The following ADARB2 variants were observed in gnomAD, a reference collection of about 807,000 sequenced individuals.
ADARB2 encodes the protein inactive double-stranded RNA-specific editase B2.
ADARB2 carries 25 observed loss-of-function variants against 62.2 expected under a neutral mutation model. That is an observed-to-expected ratio of 0.40 (90% CI 0.29 to 0.56). ADARB2 has a LOEUF of 0.56. Ranked by LOEUF, ADARB2 falls within the 20% of genes least tolerant of loss-of-function variation. The pLI is 0.43. For missense variants in ADARB2, 1,071 were observed against 1,077.4 expected (o/e 0.99, Z 0.08); for synonymous variants, 572 against 500.8 (o/e 1.14, Z -1.90).
intron 1 of ADARB2, among the ~76,000 whole-genome samples, chr10:1,459,375 G>C (rs558215290): frequency 6.6e-6 from 1 of 152,326 alleles, no homozygotes; most frequent in Non-Finnish European, 1.5e-5. Context: ...TCCTTTGCTG[G>C]GACATGGATG....
At chr10:1,579,744 T>C (rs1833070356) in intron 1 of ADARB2, among the ~76,000 whole-genome samples, 1 of 152,222 alleles carries the variant, frequency 6.6e-6, no homozygotes, top group Admixed American at 6.5e-5. Context: ...GCGAATTCCT[T>C]GGCCCCAACT....
intron 1 of ADARB2, among the ~76,000 whole-genome samples, chr10:1,722,339 C>G (rs1344775092): frequency 2.6e-5 from 4 of 152,190 alleles, no homozygotes; most frequent in Admixed American, 6.5e-5. Flanking sequence ...ATAGAACATG[C>G]ACATTTACCT....
At chr10:1,208,769 C>G (rs1450224179) in intron 7 of ADARB2, among the ~76,000 whole-genome samples, 1 of 152,226 alleles carries the variant, frequency 6.6e-6, no homozygotes, top group South Asian at 2.1e-4. Flanking sequence ...GGACACAGTT[C>G]TAAGTGCCAC....
At chr10:1,473,031 C>T (rs1831347251) in intron 1 of ADARB2, among the ~76,000 whole-genome samples, 2 of 152,156 alleles carry the variant, frequency 1.3e-5, no homozygotes, top group Admixed American at 1.3e-4. Flanking sequence ...CAGGCGTGCA[C>T]ATGTGGACAG....
At chr10:1,190,886 C>T (rs1836833274) in intron 8 of ADARB2, among the ~76,000 whole-genome samples, 2 of 152,214 alleles carry the variant, frequency 1.3e-5, no homozygotes, top group African/African-American at 2.4e-5. Context: ...TCGGTGGGGG[C>T]CATTATCCAG....
At chr10:1,269,172 G>A (rs1045240957) in intron 4 of ADARB2, among the ~76,000 whole-genome samples, 2 of 151,358 alleles carry the variant, frequency 1.3e-5, no homozygotes, top group African/African-American at 4.9e-5. Context: ...TTTAACCTGA[G>A]TTATTCAGAA....
intron 1 of ADARB2, among the ~76,000 whole-genome samples, chr10:1,660,100 G>A (rs1235409045): frequency 6.6e-6 from 1 of 152,200 alleles, no homozygotes; most frequent in Non-Finnish European, 1.5e-5. Flanking sequence ...TGGTTCATCC[G>A]CCTGCCTTCC....
At chr10:1,437,243 C>CAT (rs1830843294) in intron 1 of ADARB2, among the ~76,000 whole-genome samples, 1 of 102,980 alleles carries the variant, frequency 9.7e-6, no homozygotes, top group Non-Finnish European at 1.9e-5. Flanking sequence ...CACACACACA[C>CAT]ATATATATAC....
At chr10:1,632,967 A>C (rs1833861466) in intron 1 of ADARB2, among the ~76,000 whole-genome samples, 1 of 152,184 alleles carries the variant, frequency 6.6e-6, no homozygotes, top group Non-Finnish European at 1.5e-5. Context: ...GGGTGGGTGC[A>C]TCCAGTCCAC....
chr10:1,487,301 G>A (rs1831555790), intron 1 of ADARB2, among the ~76,000 whole-genome samples: 1 of 152,262 alleles, frequency 6.6e-6, no homozygotes, highest in African/African-American at 2.4e-5. Flanking sequence ...CTCTTCAGTT[G>A]CAAGTTATTG....
chr10:1,414,245 G>A (rs557486531), intron 1 of ADARB2, among the ~76,000 whole-genome samples: 18 of 152,300 alleles, frequency 1.2e-4, no homozygotes, highest in South Asian at 1.0e-3. Flanking sequence ...GCTGAGTGTC[G>A]GGAGAAGCTG....
intron 3 of ADARB2, among the ~76,000 whole-genome samples, chr10:1,329,417 G>T (rs1213025747): frequency 6.6e-6 from 1 of 152,246 alleles, no homozygotes; most frequent in South Asian, 2.1e-4. Flanking sequence ...AGGATGCCCT[G>T]ACCTTTTGAA....
intron 1 of ADARB2, among the ~76,000 whole-genome samples, chr10:1,434,246 C>T (rs1830808590): frequency 2.6e-5 from 4 of 152,150 alleles, no homozygotes. Flanking sequence ...TACACAGAGG[C>T]CGGTATGAGA....
At chr10:1,608,492 A>G (rs1336284953) in intron 1 of ADARB2, among the ~76,000 whole-genome samples, 2 of 151,152 alleles carry the variant, frequency 1.3e-5, no homozygotes, top group Non-Finnish European at 2.9e-5. Flanking sequence ...AAGGAAGAAA[A>G]GGGGAAAAGA....
chr10:1,269,850 C>G (rs1831243036), intron 4 of ADARB2, among the ~76,000 whole-genome samples: 1 of 152,030 alleles, frequency 6.6e-6, no homozygotes, highest in Non-Finnish European at 1.5e-5. Context: ...GAGGTGAACT[C>G]TTAGCCCTCA....
At chr10:1,577,204 T>A (rs4991113) in intron 1 of ADARB2, among the ~76,000 whole-genome samples, 6,842 of 55,904 alleles carry the variant, frequency 0.12, 472 homozygotes, top group Middle Eastern at 0.17. Context: ...TGCACACAGG[T>A]GGTGGGTGGA....
chr10:1,448,080 C>G (rs1830993654), intron 1 of ADARB2, among the ~76,000 whole-genome samples: 1 of 152,158 alleles, frequency 6.6e-6, no homozygotes, highest in South Asian at 2.1e-4. Context: ...AACAGTATTA[C>G]AAACCTATAG....
chr10:1,568,432 A>G (rs1369977022), intron 1 of ADARB2, among the ~76,000 whole-genome samples: 1 of 152,180 alleles, frequency 6.6e-6, no homozygotes, highest in Non-Finnish European at 1.5e-5. Context: ...CCCCGCAACC[A>G]AACTTCTCAC....
intron 1 of ADARB2, among the ~76,000 whole-genome samples, chr10:1,580,909 G>T (rs1038647815): frequency 6.6e-6 from 1 of 152,194 alleles, no homozygotes; most frequent in Non-Finnish European, 1.5e-5. Context: ...TGGCTTGATC[G>T]CTCATTTCTC....
Sources: gnomAD v4.1 joint callset for allele counts (sites outside exome capture counted in the v4.1 genomes callset) on GRCh38, gnomAD v4.1.1 for gene constraint, MANE v1.5 for transcripts, NCBI Gene and HGNC (gene_info 2026-07-23, HGNC 2026-07-21) for gene names.